The following ARB2A variants were observed in gnomAD, a reference collection of about 807,000 sequenced individuals.
ARB2A encodes the protein cotranscriptional regulator ARB2A.
At chr5:93,945,411 T>C in the ARB2A span, among the ~76,000 whole-genome samples, 1 of 133,576 alleles carries the variant, frequency 7.5e-6, no homozygotes, top group Non-Finnish European at 1.6e-5. Flanking sequence ...CAAGATTCCA[T>C]CTCAAAAAAA....
the ARB2A span, among the ~76,000 whole-genome samples, chr5:94,005,775 T>G: frequency 2.0e-5 from 3 of 152,138 alleles, no homozygotes; most frequent in African/African-American, 7.2e-5. Flanking sequence ...AGTAAGCACA[T>G]GAAAAGATGT....
the ARB2A span, among the ~76,000 whole-genome samples, chr5:93,772,486 AG>A: frequency 1.3e-5 from 2 of 152,168 alleles, no homozygotes; most frequent in Non-Finnish European, 2.9e-5. Context: ...TTAAAAAAAA[AG>A]AAGTTTAAGC....
the ARB2A span, among the ~76,000 whole-genome samples, chr5:94,057,734 T>C: frequency 1.1e-4 from 16 of 152,288 alleles, no homozygotes; most frequent in East Asian, 1.5e-3. Flanking sequence ...AAAAGAACAG[T>C]TGGACAACAG....
At chr5:93,932,031 TAAG>T in the ARB2A span, among the ~76,000 whole-genome samples, 5 of 152,178 alleles carry the variant, frequency 3.3e-5, no homozygotes, top group African/African-American at 1.2e-4. Flanking sequence ...TAATTAGAAT[TAAG>T]AATTCAATTT....
At chr5:93,782,704 T>C in the ARB2A span, among the ~76,000 whole-genome samples, 1 of 152,156 alleles carries the variant, frequency 6.6e-6, no homozygotes, top group Admixed American at 6.6e-5. Flanking sequence ...CCAACATGTT[T>C]GCAAGGTAGG....
chr5:94,054,107 G>C, the ARB2A span, among the ~76,000 whole-genome samples: 4 of 152,164 alleles, frequency 2.6e-5, no homozygotes. Flanking sequence ...AAAGTTGAAA[G>C]ACAGTACGAA....
the ARB2A span, among the ~76,000 whole-genome samples, chr5:94,023,549 C>A: frequency 6.6e-6 from 1 of 152,192 alleles, no homozygotes; most frequent in South Asian, 2.1e-4. Context: ...GCTTTGGAAC[C>A]TGATGTGGTC....
At chr5:94,107,985 C>G in the ARB2A span, among the ~76,000 whole-genome samples, 7 of 152,156 alleles carry the variant, frequency 4.6e-5, no homozygotes, top group Non-Finnish European at 1.0e-4. Flanking sequence ...CCCCTCTCCT[C>G]TGCTGTCAGT....
At chr5:93,772,860 A>G in the ARB2A span, among the ~76,000 whole-genome samples, 1 of 152,198 alleles carries the variant, frequency 6.6e-6, no homozygotes, top group Non-Finnish European at 1.5e-5. Context: ...AGGACAAGAG[A>G]GAGCCTGAGG....
chr5:93,750,738 G>A, the ARB2A span, among the ~76,000 whole-genome samples: 6 of 151,734 alleles, frequency 4.0e-5, no homozygotes, highest in African/African-American at 9.7e-5. Flanking sequence ...TGTTGCCCAC[G>A]CTGGTCTCAA....
chr5:93,907,024 G>T, the ARB2A span, among the ~76,000 whole-genome samples: 1 of 151,326 alleles, frequency 6.6e-6, no homozygotes, highest in Admixed American at 6.6e-5. Context: ...ATAGATATAT[G>T]AGCATGCATG....
chr5:93,861,351 T>C, the ARB2A span: 1 of 144,546 alleles, frequency 6.9e-6, no homozygotes. Context: ...TTATTTGAGA[T>C]ACATTTCAGG....
the ARB2A span, among the ~76,000 whole-genome samples, chr5:93,923,484 T>C: frequency 6.6e-6 from 1 of 152,192 alleles, no homozygotes; most frequent in Non-Finnish European, 1.5e-5. Context: ...TTTTTCAGCA[T>C]TTTCCAAATA....
At chr5:93,739,803 G>A in the ARB2A span, 1 of 152,068 alleles carries the variant, frequency 6.6e-6, no homozygotes, top group Non-Finnish European at 1.5e-5. Context: ...CCAAATAGAG[G>A]TGAAAACAGG....
chr5:93,618,313 G>A, the ARB2A span: 21 of 151,988 alleles, frequency 1.4e-4, no homozygotes, highest in Non-Finnish European at 2.6e-4. Flanking sequence ...GCAATAATCT[G>A]GCCTTTAAGT....
chr5:93,912,718 A>C, the ARB2A span, among the ~76,000 whole-genome samples: 1 of 151,872 alleles, frequency 6.6e-6, no homozygotes, highest in Non-Finnish European at 1.5e-5. Flanking sequence ...AAAAATTTAA[A>C]ATTTCATAGT....
the ARB2A span, among the ~76,000 whole-genome samples, chr5:94,084,876 G>A: frequency 6.6e-6 from 1 of 152,054 alleles, no homozygotes; most frequent in Non-Finnish European, 1.5e-5. Context: ...AATTTCAAAT[G>A]GTTTAAGGGT....
the ARB2A span, among the ~76,000 whole-genome samples, chr5:93,635,562 C>T: frequency 6.6e-6 from 1 of 151,144 alleles, no homozygotes; most frequent in African/African-American, 2.4e-5. Flanking sequence ...GCCTCAGCCT[C>T]CCAAGAAGCT....
At chr5:93,716,614 C>T in the ARB2A span, among the ~76,000 whole-genome samples, 3 of 142,982 alleles carry the variant, frequency 2.1e-5, no homozygotes, top group African/African-American at 7.9e-5. Flanking sequence ...TCTGCTAAAC[C>T]AGCAGTACTT....
Sources: gnomAD v4.1 joint callset for allele counts (sites outside exome capture counted in the v4.1 genomes callset) on GRCh38, gnomAD v4.1.1 for gene constraint, MANE v1.5 for transcripts, NCBI Gene and HGNC (gene_info 2026-07-23, HGNC 2026-07-21) for gene names.